Variants in NCOR2 observed in about 807,000 individuals in gnomAD.
NCOR2 encodes nuclear receptor corepressor 2, also known as CTG repeat protein 26.
Under a neutral mutation model 262.9 loss-of-function variants are expected in NCOR2, and 81 were observed. The observed-to-expected ratio is 0.31, with a 90% CI of 0.26 to 0.37. NCOR2 has a LOEUF of 0.37. NCOR2 is among the 10% of genes least tolerant of loss of function. The probability of loss-of-function intolerance (pLI) is 1.00; values close to 1 mark genes in which losing one functional copy is unlikely to be tolerated. For synonymous variants in NCOR2, 1,659 were observed against 1,559.3 expected (o/e 1.06, Z -1.51); for missense variants, 3,385 against 3,621.4 (o/e 0.93, Z 1.68).
chr12:124,502,796 CCT>C (rs1431809061), intron 1 of NCOR2, among the ~76,000 whole-genome samples: 1 of 152,136 alleles, frequency 6.6e-6, no homozygotes, highest in Non-Finnish European at 1.5e-5. Context: ...TGTAGCTGCC[CCT>C]GTGTCGAGGA....
In NCOR2 at chr12:124,503,532, AATGG is replaced by A. The variant is rs1248218001; in HGVS notation, c.-117-8168_-117-8165del. On this transcript the variant is annotated intron_variant, in intron 1 of 46. Coordinates refer to the NCOR2 transcript ENST00000404621. The surrounding 1 kb of genome is among the most constrained non-coding windows in gnomAD (Gnocchi z 4.3). ...TGGATGGACAGAGGATGGACAGATG[AATGG>A]ATGGATGGATGGACGAATGGATGGA... 6.9e-6 allele frequency among the ~76,000 whole-genome samples: 1 copy of A among 144,564 alleles called. No homozygotes were observed. Among genetic ancestry groups the A allele is most frequent in the Non-Finnish European group, 1.5e-5 (1 of 66,698 alleles). 94.8% of individuals were successfully genotyped at this position (144,564 alleles called of 152,430 possible). A position where few individuals can be genotyped will look rare whatever the true frequency, so the allele number is the denominator to read the frequency against.
exon 32 of NCOR2, chr12:124,344,923 G>T: frequency 6.4e-7 from 1 of 1,563,866 alleles, no homozygotes; most frequent in Non-Finnish European, 8.7e-7. Flanking sequence ...AGTGGTGGAC[G>T]CGCCGGTGTC....
At chr12:124,327,062 G>A (rs910160437) in intron 45 of NCOR2, among the ~76,000 whole-genome samples, 27 of 152,172 alleles carry the variant, frequency 1.8e-4, no homozygotes, top group Non-Finnish European at 3.8e-4. Context: ...CTTCACTCCA[G>A]CCTGCTCTCC....
chr12:124,437,388 G>A (rs1445067547), intron 8 of NCOR2, among the ~76,000 whole-genome samples: 1 of 152,234 alleles, frequency 6.6e-6, no homozygotes, highest in African/African-American at 2.4e-5. Flanking sequence ...ACAGCCTACA[G>A]TGAGAAGCAG....
At chr12:124,359,828 G>A (rs2038384405) in intron 22 of NCOR2, among the ~76,000 whole-genome samples, 1 of 152,254 alleles carries the variant, frequency 6.6e-6, no homozygotes, top group Admixed American at 6.5e-5. Flanking sequence ...CTGTGTGGGA[G>A]CCAGGGGCAG....
chr12:124,343,627 A>AT (rs11322329), intron 32 of NCOR2, among the ~76,000 whole-genome samples: 3 of 148,800 alleles, frequency 2.0e-5, no homozygotes, highest in Admixed American at 6.7e-5. Context: ...ATTTTCTTTC[A>AT]TTTTTTTTTT....
chr12:124,491,010 G>A (rs762610451), intron 1 of NCOR2, among the ~76,000 whole-genome samples: 5 of 152,268 alleles, frequency 3.3e-5, no homozygotes, highest in Non-Finnish European at 5.9e-5. Context: ...TCTAGGCCAA[G>A]AGGCAGCACA....
intron 46 of NCOR2, among the ~76,000 whole-genome samples, chr12:124,325,803 T>C (rs1566341558): frequency 6.6e-6 from 1 of 152,186 alleles, no homozygotes; most frequent in Non-Finnish European, 1.5e-5. Context: ...GCCTGGACTA[T>C]AGCAGTAGCC....
At chr12:124,563,459 C>T (rs1002252546) in intron 1 of NCOR2, among the ~76,000 whole-genome samples, 6 of 152,220 alleles carry the variant, frequency 3.9e-5, no homozygotes, top group Non-Finnish European at 7.3e-5. Context: ...CAACCTCAGG[C>T]GAGCCTGGAC....
rs372648254 is a variant in NCOR2, at chr12:124,485,810, C to T, written c.233+631G>A. Among the ~76,000 whole-genome samples the T allele has an allele frequency of 1.5e-3, 232 of 152,322 alleles. 1 individual carries two copies. The highest frequency in any genetic ancestry group is 5.4e-3 in the African/African-American group (225 of 41,570). On this transcript the variant is annotated intron_variant, in intron 2 of 46. Coordinates refer to ENST00000405201, the Ensembl canonical transcript of NCOR2. ...CCCATCTGAGAAATAGGCACAATTC[C>T]CCACACCTCAGCCGTCTCCAGCAGA...
intron 1 of NCOR2, among the ~76,000 whole-genome samples, chr12:124,553,185 G>T (rs985901738): frequency 6.6e-6 from 1 of 152,120 alleles, no homozygotes; most frequent in African/African-American, 2.4e-5. Context: ...CAGCAACGCA[G>T]CATCTTCAAA....
chr12:124,453,142 C>T (rs1404775007), intron 6 of NCOR2, among the ~76,000 whole-genome samples: 1 of 152,080 alleles, frequency 6.6e-6, no homozygotes, highest in African/African-American at 2.4e-5. Context: ...CGAGGGGACT[C>T]CCCAACATCC....
chr12:124,537,063 A>G (rs1218927761), upstream of NCOR2, among the ~76,000 whole-genome samples: 2 of 152,226 alleles, frequency 1.3e-5, no homozygotes, highest in Non-Finnish European at 2.9e-5. Flanking sequence ...TGGTTCCACG[A>G]TAGGATTCTG....
intron 13 of NCOR2, among the ~76,000 whole-genome samples, chr12:124,417,565 G>C (rs865952568): frequency 6.6e-6 from 1 of 152,180 alleles, no homozygotes; most frequent in Non-Finnish European, 1.5e-5. Flanking sequence ...AGGCCAGCAA[G>C]AGAATGAGCA....
intron 16 of NCOR2, among the ~76,000 whole-genome samples, chr12:124,387,751 T>C (rs990559987): frequency 6.6e-6 from 1 of 152,248 alleles, no homozygotes; most frequent in Admixed American, 6.5e-5. Context: ...TTCCAGAACC[T>C]GGCGGACAGG....
At chr12:124,418,477 GC>G (rs958762879) in intron 13 of NCOR2, among the ~76,000 whole-genome samples, 7 of 24,834 alleles carry the variant, frequency 2.8e-4, no homozygotes, top group Non-Finnish European at 1.1e-3. Flanking sequence ...GAAAGGGAAG[GC>G]GGGGCAGCTC....
chr12:124,490,464 C>A (rs916047729), intron 1 of NCOR2, among the ~76,000 whole-genome samples: 4 of 128,216 alleles, frequency 3.1e-5, no homozygotes, highest in Non-Finnish European at 6.9e-5. Context: ...ATGGATGGAT[C>A]TCCCAGCATG....
chr12:124,412,338 T>C (rs945753759), intron 13 of NCOR2, among the ~76,000 whole-genome samples: 4 of 152,172 alleles, frequency 2.6e-5, no homozygotes, highest in Non-Finnish European at 4.4e-5. Context: ...ACAGGGCAGG[T>C]GTCCTTGAGA....
At chr12:124,355,256 G>A in intron 24 of NCOR2, 176 bp downstream of exon 26, 1 of 729,716 alleles carries the variant, frequency 1.4e-6, no homozygotes, top group Non-Finnish European at 2.2e-6. Context: ...TGACCCCCCA[G>A]GGACGAGGCC....
Sources: allele counts gnomAD v4.1 joint callset (sites outside exome capture counted in the v4.1 genomes callset), GRCh38; gene constraint gnomAD v4.1.1; non-coding constraint Gnocchi (gnomAD v3.1); transcripts MANE v1.5; gene names NCBI Gene and HGNC (gene_info 2026-07-23, HGNC 2026-07-21).